KIF20B: variants seen among roughly 807,000 people sequenced by gnomAD.
The protein encoded by KIF20B is kinesin-like protein KIF20B.
In KIF20B, 188 loss-of-function variants were observed where a neutral mutation model predicts 232.5. The ratio of observed to expected loss-of-function variants is 0.81; its 90% CI spans 0.72 to 0.91. KIF20B has a LOEUF of 0.91. Ranked by LOEUF, KIF20B falls within the 40% of genes least tolerant of loss-of-function variation. The pLI, the probability that KIF20B is intolerant of heterozygous loss-of-function variation, is 0.00. For synonymous variants in KIF20B, 712 were observed against 683.0 expected, an observed-to-expected ratio of 1.04 and a Z score of -0.66; for missense variants, 2,154 against 2,055.9, an observed-to-expected ratio of 1.05 and a Z score of -0.92.
At chr10:89,742,171 T>C (rs1327016911) in intron 21 of KIF20B, among the ~76,000 whole-genome samples, 1 of 152,218 alleles carries the variant, frequency 6.6e-6, no homozygotes, top group African/African-American at 2.4e-5. Flanking sequence ...TGCACCTCAC[T>C]GCAAAAGTTA....
At chr10:89,718,985 G>T (rs375113151) in intron 12 of KIF20B, 113 bp downstream of exon 12, 196 of 712,132 alleles carry the variant, frequency 2.8e-4, no homozygotes, top group Middle Eastern at 2.6e-3. Flanking sequence ...AATTAAAAAG[G>T]TAAATATTTA....
chr10:89,713,188 C>T (rs186250613), intron 6 of KIF20B, among the ~76,000 whole-genome samples: 35 of 151,858 alleles, frequency 2.3e-4, no homozygotes, highest in African/African-American at 7.2e-4. Flanking sequence ...GGCGAAACCC[C>T]GTCTCTATTA....
intron 29 of KIF20B, chr10:89,766,505 C>T (rs562301721): frequency 6.6e-6 from 1 of 152,226 alleles, no homozygotes; most frequent in Non-Finnish European, 1.5e-5. Flanking sequence ...GAGCTGAAAG[C>T]CAAGGCTCAA....
rs539858808 is a variant in KIF20B, at chr10:89,737,684, A to G, written c.2843A>G (p.His948Arg). Residue 948 changes from histidine to arginine, a missense_variant, in exon 20 of 33, where the codon CAT (histidine) becomes CGT (arginine). Transcript: ENST00000371728. ...SNYDIAIAEL[H>R]VQKSKNQEQE... The stretch of plus-strand genomic sequence containing the variant: ...TATGATATTGCAATTGCTGAATTAC[A>G]TGTGCAGAAAAGTAAAAATCAAGAA... The G allele has an allele frequency of 6.2e-7, 1 of 1,613,198 alleles. No homozygotes were observed. The highest frequency in any genetic ancestry group is 8.5e-7 in the Non-Finnish European group (1 of 1,179,434).
chr10:89,743,866 AAAAG>A lies in KIF20B; in HGVS notation c.3978_3981del (p.Lys1327ThrfsTer7). The A allele has an allele frequency of 3.2e-6, 5 of 1,586,844 alleles. No individual in the cohort carries two copies. The highest frequency in any genetic ancestry group is 4.3e-6 in the Non-Finnish European group (5 of 1,165,386). On this transcript the variant is annotated frameshift_variant, in exon 22 of 33. Transcript: ENST00000371728. LOFTEE classifies it high-confidence loss of function. Reference sequence around the variant, plus strand: ...AGGATTAAAATTAATGAACTGGAGAAAAAGAAAAACCAGTGTTCTCAGGAATTAG... The same window carrying A: ...AGGATTAAAATTAATGAACTGGAGAAAAAAACCAGTGTTCTCAGGAATTAG...
At chr10:89,752,013 C>T (rs1842030769) in intron 24 of KIF20B, among the ~76,000 whole-genome samples, 2 of 151,978 alleles carry the variant, frequency 1.3e-5, no homozygotes, top group African/African-American at 4.8e-5. Context: ...TAATTTTCCT[C>T]ATTTGTAAAA....
intron 16 of KIF20B, among the ~76,000 whole-genome samples, chr10:89,727,528 G>A (rs944184617): frequency 1.3e-5 from 2 of 152,184 alleles, no homozygotes; most frequent in African/African-American, 2.4e-5. Context: ...AAAATAACAC[G>A]TAAGTGGTGC....
chr10:89,773,246 A>G (rs1564678577), intron 32 of KIF20B, among the ~76,000 whole-genome samples: 2 of 152,022 alleles, frequency 1.3e-5, no homozygotes, highest in African/African-American at 4.8e-5. Flanking sequence ...TATTAGGAAG[A>G]GACTGTAGTT....
intron 26 of KIF20B, among the ~76,000 whole-genome samples, chr10:89,757,053 TATATATATATATATATAC>T (rs148528273): frequency 0.028 from 3,999 of 143,048 alleles, 378 homozygotes; most frequent in East Asian, 0.28. Flanking sequence ...TATATATATA[TATATATATATATATATAC>T]ACACATGACA....
At chr10:89,718,517 G>GAAACAA (rs1842982792) in intron 11 of KIF20B, among the ~76,000 whole-genome samples, 193 bp from the exon 12 acceptor site, 1 of 151,832 alleles carries the variant, frequency 6.6e-6, no homozygotes, top group Admixed American at 6.6e-5. Context: ...TCTCAAAACA[G>GAAACAA]AAACAAAAAC....
At chr10:89,733,095 C>G in intron 19 of KIF20B, 39 bp downstream of exon 19, 2 of 1,606,306 alleles carry the variant, frequency 1.2e-6, no homozygotes, top group Middle Eastern at 1.7e-4. Context: ...TTTAAGAAAG[C>G]TAATTTCTAA....
At chr10:89,738,734 G>A (rs1278168601) in intron 20 of KIF20B, 117 bp downstream of exon 20, 3 of 1,302,108 alleles carry the variant, frequency 2.3e-6, no homozygotes, top group South Asian at 1.7e-5. Context: ...TGTATGATGA[G>A]TGAAGAACTT....
chr10:89,738,071 A>C lies in KIF20B; in HGVS notation c.3230A>C (p.Gln1077Pro), dbSNP rs1368450473. The C allele has an allele frequency of 3.7e-6, 6 of 1,613,186 alleles. No homozygotes were observed. The highest frequency in any genetic ancestry group is 5.1e-6 in the Non-Finnish European group (6 of 1,179,672). Residue 1077 changes from glutamine (Q) to proline (P), a missense_variant, in exon 20 of 33, where the codon CAG becomes CCG. Coordinates refer to ENST00000371728, the MANE Select transcript of KIF20B (RefSeq NM_001284259.2). ...AAGGCCTCTTCCAAAAAAAGTCATC[A>C]GATTGAGGAACTGGAACAACAAATT... ...IVKASSKKSHQIEELEQQIEK... is the reference protein window; with the variant it reads ...IVKASSKKSHPIEELEQQIEK...
chr10:89,768,626 T>C, intron 30 of KIF20B, 112 bp from the exon 31 acceptor site: 1 of 1,060,022 alleles, frequency 9.4e-7, no homozygotes, highest in East Asian at 2.6e-5. Context: ...ACTTAAAGTT[T>C]CCTACCTGAG....
chr10:89,746,817 G>A (rs573910601), intron 23 of KIF20B, among the ~76,000 whole-genome samples: 1 of 128,752 alleles, frequency 7.8e-6, no homozygotes, highest in Non-Finnish European at 1.6e-5. Context: ...ATTCTGAAGG[G>A]AAGTGAGGGC....
At chr10:89,764,455 C>A (rs1455125681) in intron 29 of KIF20B, among the ~76,000 whole-genome samples, 1 of 152,150 alleles carries the variant, frequency 6.6e-6, no homozygotes. Context: ...AGTTCTAGAT[C>A]CCTGGGAATC....
intron 13 of KIF20B, chr10:89,723,740 G>T: frequency 2.1e-5 from 6 of 286,034 alleles, no homozygotes; most frequent in Non-Finnish European, 1.9e-5. Context: ...ACAGTGAGAC[G>T]AGTTACCAAA....
chr10:89,757,022 T>TTGTGTGTGTG (rs377304425), intron 26 of KIF20B, among the ~76,000 whole-genome samples: 5,222 of 122,602 alleles, frequency 0.043, 427 homozygotes, highest in African/African-American at 0.16. Flanking sequence ...TATATCTCTG[T>TTGTGTGTGTG]TGTGTGTGTG....
rs117545321 is a variant in KIF20B, at chr10:89,719,948, A to C, written c.1722+242A>C. ...TGAATACACATCTTTTGGTCTGTAC[A>C]ATTTGAAAATAAGATCCAGACATAA... On this transcript the variant is annotated intron_variant, in intron 13 of 32. Coordinates refer to ENST00000371728, the MANE Select transcript of KIF20B (RefSeq NM_001284259.2). Among the ~76,000 whole-genome samples, 1,472 of 152,278 alleles carry C rather than the reference A, an allele frequency of 9.7e-3. 13 individuals are homozygous for C. The highest frequency in any genetic ancestry group is 0.024 in the Middle Eastern group (7 of 294).
Sources: allele counts gnomAD v4.1 joint callset (sites outside exome capture counted in the v4.1 genomes callset), GRCh38; gene constraint gnomAD v4.1.1; transcripts MANE v1.5; gene names NCBI Gene and HGNC (gene_info 2026-07-23, HGNC 2026-07-21).